PLA2R1: variants seen among roughly 807,000 people sequenced by gnomAD.
PLA2R1 encodes the protein secretory phospholipase A2 receptor.
Under a neutral mutation model 195.9 loss-of-function variants are expected in PLA2R1, and 158 were observed. The observed-to-expected ratio is 0.81, with a 90% confidence interval of 0.71 to 0.92. The LOEUF (loss-of-function observed/expected upper bound fraction) is 0.92, where lower values mean the gene tolerates loss of function less well. Ranked by LOEUF, PLA2R1 falls within the 40% of genes least tolerant of loss-of-function variation. PLA2R1 has a pLI of 0.00. For synonymous variants in PLA2R1, 586 were observed against 598.2 expected, an observed-to-expected ratio of 0.98 and a Z score of 0.30; for missense variants, 1,626 against 1,764.6, an observed-to-expected ratio of 0.92 and a Z score of 1.41.
chr2:159,943,391 A>G lies in PLA2R1; in HGVS notation c.4145-1232T>C, dbSNP rs146087624. 9.8e-5 allele frequency among the ~76,000 whole-genome samples: 15 copies of G among 152,336 alleles called. No homozygotes were observed. The East Asian group carries it at 2.1e-3, about 21-fold the overall frequency. Reference sequence around the variant, plus strand: ...TAAATTGATGCATATCAGATGCACAAATTTTCAGAACACAAGTGATAATTG... The same window carrying G: ...TAAATTGATGCATATCAGATGCACAGATTTTCAGAACACAAGTGATAATTG... On this transcript the variant is annotated intron_variant, in intron 28 of 29. Transcript: ENST00000283243.
chr2:160,042,118 A>C lies in PLA2R1; in HGVS notation c.574T>G (p.Cys192Gly), dbSNP rs201557117. 3.0e-5 allele frequency: 48 copies of C among 1,614,128 alleles called. No individual in the cohort carries two copies. The East Asian group carries it at 9.8e-4, about 33-fold the overall frequency. ...TCATCTTCCCGACCTTCACGGGTAC[A>C]TTCATGATGCCACTGATGGTTATAC... ...FQYNHQWHHE[C>G]TREGREDDLL... is the part of the protein sequence containing the mutation. The change falls in exon 3 of 30, where the codon TGT becomes GGT. Residue 192 changes from cysteine to glycine, a missense_variant. Physicochemically the swap from Cys to Gly is radical, Grantham distance 159. Transcript: ENST00000283243.
chr2:160,025,965 T>A (rs776504676), intron 6 of PLA2R1, among the ~76,000 whole-genome samples: 1 of 152,196 alleles, frequency 6.6e-6, no homozygotes, highest in African/African-American at 2.4e-5. Flanking sequence ...GGACTATAGT[T>A]AATGTAGTGT....
intron 11 of PLA2R1, among the ~76,000 whole-genome samples, chr2:159,988,809 C>G (rs1354772545): frequency 1.3e-5 from 2 of 152,080 alleles, no homozygotes; most frequent in Admixed American, 1.3e-4. Context: ...GTTTTATGCT[C>G]ATGGAAAGAC....
At chr2:160,061,598 A>C (rs1006380034) in intron 1 of PLA2R1, among the ~76,000 whole-genome samples, 2 of 151,882 alleles carry the variant, frequency 1.3e-5, no homozygotes, top group Non-Finnish European at 2.9e-5. Context: ...ACATGGTGAA[A>C]CTCCGTCTCC....
At chr2:160,005,886 C>A in intron 10 of PLA2R1, 65 bp from the exon 11 acceptor site, 1 of 1,111,524 alleles carries the variant, frequency 9.0e-7, no homozygotes, top group South Asian at 1.3e-5. Context: ...GTCATTAAAG[C>A]ATAATGAAGT....
chr2:159,989,760 C>A (rs1333820840), intron 11 of PLA2R1, among the ~76,000 whole-genome samples: 1 of 152,108 alleles, frequency 6.6e-6, no homozygotes, highest in African/African-American at 2.4e-5. Context: ...ATTACAAAAA[C>A]TAGGGTTTTG....
rs530179642 is a variant in PLA2R1 at position 160,013,303 on chromosome 2, C to T, written c.1624G>A (p.Gly542Ser). 9.3e-6 allele frequency: 15 copies of T among 1,610,372 alleles called. No individual in the cohort carries two copies. The highest frequency in any genetic ancestry group is 8.9e-5 in the East Asian group (4 of 44,766). ...VLRSFDQASSGYYCPPALVTI... is the reference protein window; with the variant it reads ...VLRSFDQASSSYYCPPALVTI... ...ACAAGTGCAGGAGGACAGTAATAAC[C>T]GCTGGAAGCTTGGTCAAAGCTTCGA... Residue 542 changes from glycine (G) to serine (S), a missense_variant, in exon 10 of 30, where the codon GGT (glycine) becomes AGT (serine). By Grantham distance (56) the Gly-to-Ser change is moderately conservative. Coordinates refer to ENST00000283243, the MANE Select transcript of PLA2R1 (RefSeq NM_007366.5).
In PLA2R1 at chr2:160,033,508, G is replaced by A. The variant is rs535703315; in HGVS notation, c.668-376C>T. ...CTTGTAACTTTAAATGTTCATTTTAGTAGATACAAATGTTATTTCAAAGGC... is the reference window on the plus strand; with the variant it reads ...CTTGTAACTTTAAATGTTCATTTTAATAGATACAAATGTTATTTCAAAGGC... On this transcript the variant is annotated intron_variant, in intron 3 of 29. Transcript: ENST00000283243. Among the ~76,000 whole-genome samples the A allele has an allele frequency of 3.3e-5, 5 of 152,294 alleles. No individual in the cohort carries two copies. In the South Asian group the frequency reaches 8.3e-4, roughly 25 times the overall value.
intron 22 of PLA2R1, 99 bp from the exon 23 acceptor site, chr2:159,955,445 T>C (rs1688022494): frequency 5.6e-6 from 4 of 713,700 alleles, no homozygotes; most frequent in Non-Finnish European, 9.0e-6. Context: ...TAAGACACCA[T>C]TATTCCTTTA....
At chr2:159,965,891 G>A (rs1404944208) in intron 20 of PLA2R1, among the ~76,000 whole-genome samples, 2 of 152,134 alleles carry the variant, frequency 1.3e-5, no homozygotes, top group Admixed American at 1.3e-4. Context: ...CATTTCTGGA[G>A]TGGCAGTCCT....
chr2:160,059,932 C>G (rs1210482643), intron 1 of PLA2R1, among the ~76,000 whole-genome samples: 1 of 152,156 alleles, frequency 6.6e-6, no homozygotes, highest in African/African-American at 2.4e-5. Flanking sequence ...TCCCACAACA[C>G]GTGGGAATTC....
intron 1 of PLA2R1, among the ~76,000 whole-genome samples, chr2:160,060,008 T>C (rs1320822320): frequency 3.3e-5 from 5 of 152,214 alleles, no homozygotes; most frequent in African/African-American, 9.6e-5. Context: ...GAATTATTGA[T>C]AAATCATTGG....
intron 11 of PLA2R1, among the ~76,000 whole-genome samples, chr2:159,990,648 C>T (rs1690709046): frequency 6.6e-6 from 1 of 152,358 alleles, no homozygotes; most frequent in Non-Finnish European, 1.5e-5. Flanking sequence ...AAAAGTGAAG[C>T]TCTTTGGGTA....
chr2:159,951,050 C>G (rs1687706745), intron 24 of PLA2R1, among the ~76,000 whole-genome samples: 2 of 152,206 alleles, frequency 1.3e-5, no homozygotes, highest in Admixed American at 6.5e-5. Flanking sequence ...AGTGCACATG[C>G]AAGGCAGTAT....
chr2:159,945,648 G>A (rs1298402454), intron 27 of PLA2R1, among the ~76,000 whole-genome samples: 1 of 152,042 alleles, frequency 6.6e-6, no homozygotes, highest in Non-Finnish European at 1.5e-5. Context: ...GAATAGTGCC[G>A]CAATAAACAT....
intron 11 of PLA2R1, among the ~76,000 whole-genome samples, chr2:159,992,734 T>C (rs1256654117): frequency 1.3e-5 from 2 of 152,056 alleles, no homozygotes; most frequent in East Asian, 3.8e-4. Context: ...AGAACAAAGC[T>C]GGAGGCATCA....
rs144527667 is a variant in PLA2R1, at chr2:160,020,247, T to G, written c.1311A>C (p.Thr437=). The G allele has an allele frequency of 1.1e-5, 17 of 1,608,778 alleles. No homozygotes were observed. In the African/African-American group the frequency reaches 2.0e-4, roughly 19 times the overall value. ...TTTTATTGCTGCTCAAACCAATCCATGTTTCTGATGCATTTTCTGTAAGAG... is the reference window on the plus strand; with the variant it reads ...TTTTATTGCTGCTCAAACCAATCCAGGTTTCTGATGCATTTTCTGTAAGAG... ...TLLGDENASE[T]WIGLSSNKIP... is the part of the protein sequence containing the mutation. The change falls in exon 8 of 30, where the codon ACA becomes ACC. Residue 437 remains threonine, a synonymous_variant. Transcript: ENST00000283243.
chr2:159,940,583 T>C lies in PLA2R1; in HGVS notation c.*1195A>G, dbSNP rs1560125214. The C allele has an allele frequency of 1.3e-5, 2 of 152,196 alleles. No homozygotes were observed. Among genetic ancestry groups the C allele is most frequent in the African/African-American group, 4.8e-5 (2 of 41,466 alleles). The allele number at this position is 152,196 out of a possible 1,614,324, so 9.4% of individuals were successfully genotyped here. Reference sequence around the variant, plus strand: ...ACACTTTTTTCTTGATAAAATTCAATAAACAGTTATGTAATGAGTAAATTT... The same window carrying C: ...ACACTTTTTTCTTGATAAAATTCAACAAACAGTTATGTAATGAGTAAATTT... On this transcript the variant is annotated 3_prime_UTR_variant, in exon 30 of 30. Transcript: ENST00000283243.
At chr2:159,981,076 T>C (rs1214247626) in intron 13 of PLA2R1, among the ~76,000 whole-genome samples, 1 of 152,186 alleles carries the variant, frequency 6.6e-6, no homozygotes, top group African/African-American at 2.4e-5. Flanking sequence ...TGTTGTGACC[T>C]TTTTCTTTCC....
Sources: allele counts gnomAD v4.1 joint callset (sites outside exome capture counted in the v4.1 genomes callset), GRCh38; gene constraint gnomAD v4.1.1; transcripts MANE v1.5; gene names NCBI Gene and HGNC (gene_info 2026-07-23, HGNC 2026-07-21).